NOS1AP: variants seen among roughly 807,000 people sequenced by gnomAD.
NOS1AP encodes the protein carboxyl-terminal PDZ ligand of neuronal nitric oxide synthase protein.
Under a neutral mutation model 56.2 loss-of-function variants are expected in NOS1AP, and 21 were observed. The ratio of observed to expected loss-of-function variants is 0.37; its 90% CI spans 0.26 to 0.54. The LOEUF (loss-of-function observed/expected upper bound fraction) is 0.54, where lower values mean the gene tolerates loss of function less well. NOS1AP is among the 20% of genes least tolerant of loss of function. The pLI, the probability that NOS1AP is intolerant of heterozygous loss-of-function variation, is 0.84. For synonymous variants in NOS1AP, 270 were observed against 274.6 expected (o/e 0.98, Z 0.17); for missense variants, 522 against 657.8 (o/e 0.79, Z 2.26).
At chr1:162,122,476 A>G (rs1648279250) in intron 1 of NOS1AP, among the ~76,000 whole-genome samples, 1 of 151,652 alleles carries the variant, frequency 6.6e-6, no homozygotes, top group South Asian at 2.1e-4. Flanking sequence ...TAAAAAATAT[A>G]TGAAAGTAGA....
chr1:162,073,537 C>T (rs554740173), intron 1 of NOS1AP, among the ~76,000 whole-genome samples: 1 of 152,256 alleles, frequency 6.6e-6, no homozygotes, highest in African/African-American at 2.4e-5. Context: ...CTCAGCTCAT[C>T]ACAACCTCCA....
At chr1:162,331,020 C>T (rs189752858) in intron 4 of NOS1AP, among the ~76,000 whole-genome samples, 16 of 152,090 alleles carry the variant, frequency 1.1e-4, no homozygotes, top group Non-Finnish European at 1.5e-4. Flanking sequence ...TGAATTCACT[C>T]GGGGGTATGA....
chr1:162,227,942 G>A (rs1384330259), intron 2 of NOS1AP, among the ~76,000 whole-genome samples: 1 of 152,174 alleles, frequency 6.6e-6, no homozygotes, highest in Non-Finnish European at 1.5e-5. Context: ...TATATTTAGA[G>A]TATCGGAGAA....
intron 2 of NOS1AP, among the ~76,000 whole-genome samples, chr1:162,223,466 C>T (rs915620756): frequency 2.0e-5 from 3 of 152,054 alleles, no homozygotes; most frequent in African/African-American, 7.2e-5. Context: ...AAGGACAGGT[C>T]GGCAGAAAGG....
intron 2 of NOS1AP, among the ~76,000 whole-genome samples, chr1:162,197,848 C>G (rs1172636977): frequency 6.6e-6 from 1 of 152,246 alleles, no homozygotes; most frequent in Non-Finnish European, 1.5e-5. Flanking sequence ...GTGTCCAACT[C>G]TCTTGGCCCT....
At chr1:162,179,127 T>C (rs958770485) in intron 2 of NOS1AP, among the ~76,000 whole-genome samples, 1 of 152,170 alleles carries the variant, frequency 6.6e-6, no homozygotes, top group Non-Finnish European at 1.5e-5. Flanking sequence ...TTTCCTACCA[T>C]TGTGTATCTC....
intron 2 of NOS1AP, among the ~76,000 whole-genome samples, chr1:162,256,114 A>G (rs534667882): frequency 6.6e-6 from 1 of 152,258 alleles, no homozygotes; most frequent in Admixed American, 6.5e-5. Flanking sequence ...ACTGCATTCC[A>G]GCCTGGGCAA....
At position 162,150,301 on chromosome 1, in the gene NOS1AP, G is replaced by T. The variant is rs575690998; in HGVS notation, c.106-4104G>T. On this transcript the variant is annotated intron_variant, in intron 1 of 9. Coordinates refer to ENST00000361897, the MANE Select transcript of NOS1AP (RefSeq NM_014697.3). ...TTATCTGTGTTATTGCAAATGACAG[G>T]ATCTCATTCTTTTTCATGGCTGAAT... Among the ~76,000 whole-genome samples, 84 of 152,248 alleles carry T rather than the reference G, an allele frequency of 5.5e-4. 1 individual carries two copies. In the Middle Eastern group the frequency reaches 0.017, roughly 31 times the overall value.
chr1:162,133,927 A>C (rs1169215409), intron 1 of NOS1AP, among the ~76,000 whole-genome samples: 1 of 152,218 alleles, frequency 6.6e-6, no homozygotes, highest in Non-Finnish European at 1.5e-5. Context: ...GAAGTAGTAC[A>C]TAGAATTAGA....
At position 162,324,416 on chromosome 1, in the gene NOS1AP, C is replaced by CTTTTTTTTTTTTTTTTTTTTTT. The variant is rs35946766; in HGVS notation, c.345-8594_345-8573dup. ...TAGTGGTTTTGTGAGGGACACTAGC[C>CTTTTTTTTTTTTTTTTTTTTTT]TTTTTTTTTTTTTTTTTTTTTTTTT... On this transcript the variant is annotated intron_variant, in intron 4 of 9. Coordinates refer to ENST00000361897, the MANE Select transcript of NOS1AP (RefSeq NM_014697.3). 2.6e-4 allele frequency among the ~76,000 whole-genome samples: 19 copies of CTTTTTTTTTTTTTTTTTTTTTT among 72,146 alleles called. 4 individuals are homozygous for CTTTTTTTTTTTTTTTTTTTTTT. Among genetic ancestry groups the CTTTTTTTTTTTTTTTTTTTTTT allele is most frequent in the Non-Finnish European group, 2.5e-4 (9 of 36,152 alleles). The allele number at this position is 72,146 out of a possible 152,430, so 47.3% of individuals were successfully genotyped here.
At chr1:162,142,422 G>A (rs969792530) in intron 1 of NOS1AP, among the ~76,000 whole-genome samples, 3 of 152,124 alleles carry the variant, frequency 2.0e-5, no homozygotes, top group Admixed American at 6.5e-5. Flanking sequence ...TTCTGCGTGT[G>A]TGTGTGTTTA....
chr1:162,334,270 C>A (rs1656868335), intron 5 of NOS1AP, among the ~76,000 whole-genome samples: 1 of 152,094 alleles, frequency 6.6e-6, no homozygotes, highest in African/African-American at 2.4e-5. Context: ...AAATGCAAAT[C>A]ATGGAGTTGG....
intron 8 of NOS1AP, among the ~76,000 whole-genome samples, chr1:162,361,850 T>C (rs1657915136): frequency 6.6e-6 from 1 of 152,176 alleles, no homozygotes; most frequent in Non-Finnish European, 1.5e-5. Context: ...CTGGCTTCTG[T>C]AAGAGGGGAC....
chr1:162,099,448 A>G (rs77783977), intron 1 of NOS1AP, among the ~76,000 whole-genome samples: 9,935 of 152,006 alleles, frequency 0.065, 477 homozygotes, highest in African/African-American at 0.14. Flanking sequence ...CAGCCTCCCA[A>G]TGTGCTGGGA....
chr1:162,207,341 A>G (rs1385536006), intron 2 of NOS1AP, among the ~76,000 whole-genome samples: 1 of 152,208 alleles, frequency 6.6e-6, no homozygotes, highest in African/African-American at 2.4e-5. Flanking sequence ...TTAGACAGCT[A>G]GGTGCTGATA....
At chr1:162,268,090 C>A (rs1654480061) in intron 2 of NOS1AP, among the ~76,000 whole-genome samples, 1 of 151,980 alleles carries the variant, frequency 6.6e-6, no homozygotes, top group Non-Finnish European at 1.5e-5. Context: ...AAAACCCCTT[C>A]TCTACTAAAA....
At chr1:162,089,679 G>A (rs1383604919) in intron 1 of NOS1AP, among the ~76,000 whole-genome samples, 1 of 152,166 alleles carries the variant, frequency 6.6e-6, no homozygotes. Flanking sequence ...GAGGGAGGGA[G>A]GGGGAGATTA....
At chr1:162,122,398 C>G (rs948809163) in intron 1 of NOS1AP, among the ~76,000 whole-genome samples, 4 of 152,064 alleles carry the variant, frequency 2.6e-5, no homozygotes, top group Non-Finnish European at 5.9e-5. Flanking sequence ...CAACCAAGGT[C>G]ACATTGTGCT....
intron 1 of NOS1AP, among the ~76,000 whole-genome samples, chr1:162,088,486 G>C (rs892607013): frequency 9.2e-5 from 14 of 152,246 alleles, no homozygotes; most frequent in Non-Finnish European, 1.8e-4. Flanking sequence ...GCAGAACTGG[G>C]TTGTTCAGAT....
Sources: gnomAD v4.1 joint callset for allele counts (sites outside exome capture counted in the v4.1 genomes callset) on GRCh38, gnomAD v4.1.1 for gene constraint, MANE v1.5 for transcripts, NCBI Gene and HGNC (gene_info 2026-07-23, HGNC 2026-07-21) for gene names.